C6orf58: variants seen among roughly 807,000 people sequenced by gnomAD.
C6orf58 encodes chromosome 6 open reading frame 58.
A neutral mutation model predicts 37.0 loss-of-function variants in C6orf58; 30 were observed. That is an observed-to-expected ratio of 0.81 (90% CI 0.61 to 1.10). The LOEUF (loss-of-function observed/expected upper bound fraction) is 1.10, where lower values mean the gene tolerates loss of function less well. C6orf58 is among the 50% of genes least tolerant of loss of function. The pLI is 0.00. For missense variants in C6orf58, 368 were observed against 387.5 expected (o/e 0.95, Z 0.42); for synonymous variants, 143 against 134.1 (o/e 1.07, Z -0.46).
chr6:127,586,429 G>C (rs531227545), intron 4 of C6orf58, among the ~76,000 whole-genome samples: 17 of 152,042 alleles, frequency 1.1e-4, no homozygotes, highest in Admixed American at 3.3e-4. Context: ...GAGCTGAAGA[G>C]AGCAGGCTCC....
intron 1 of C6orf58, 31 bp downstream of exon 1, chr6:127,577,517 A>T (rs1562158600): frequency 6.3e-7 from 1 of 1,591,464 alleles, no homozygotes; most frequent in African/African-American, 1.3e-5. Context: ...CATTGTAATG[A>T]TCTACCGATA....
At chr6:127,587,171 G>C (rs1775115814) in intron 4 of C6orf58, among the ~76,000 whole-genome samples, 1 of 152,028 alleles carries the variant, frequency 6.6e-6, no homozygotes, top group South Asian at 2.1e-4. Flanking sequence ...CACGTGTTCT[G>C]ATTTTATTTC....
chr6:127,577,213 G>GTAC lies in C6orf58; in HGVS notation c.31_33dup (p.Leu11dup). ...GGCTTTTCTTCCTTCCTGGGTTTGT[G>GTAC]TACTAGTTGGTTCCTTTTCTGCTTC... On this transcript the variant is annotated inframe_insertion, in exon 1 of 6. Transcript: ENST00000329722. 1 of 1,613,468 alleles carries GTAC rather than the reference G, an allele frequency of 6.2e-7. No individual in the cohort carries two copies. Among genetic ancestry groups the GTAC allele is most frequent in the Non-Finnish European group, 8.5e-7 (1 of 1,179,606 alleles).
Position 127,581,140 on chromosome 6 carries a change from A to T in C6orf58, c.574-42A>T, listed in dbSNP as rs746547479. 1.4e-5 allele frequency: 13 copies of T among 909,118 alleles called. 1 individual carries two copies. In the South Asian group the frequency reaches 2.8e-4, roughly 20 times the overall value. The allele number at this position is 909,118 out of a possible 1,614,324, so 56.3% of individuals were successfully genotyped here. A position where few individuals can be genotyped will look rare whatever the true frequency, so the allele number is the denominator to read the frequency against. ...ACTAAATTTCAGGGAGAAGGATTTT[A>T]TAGTTGCTCAAATATTAATAAATTT... On this transcript the variant is annotated intron_variant, in intron 3 of 5. Transcript: ENST00000329722.
intron 4 of C6orf58, among the ~76,000 whole-genome samples, chr6:127,587,101 C>T (rs1285917657): frequency 1.3e-5 from 2 of 152,210 alleles, no homozygotes; most frequent in East Asian, 3.9e-4. Context: ...TTTCTTGATT[C>T]TATTAAATCT....
intron 2 of C6orf58, among the ~76,000 whole-genome samples, chr6:127,579,935 A>G (rs1312218377): frequency 4.6e-5 from 7 of 152,094 alleles, no homozygotes; most frequent in Non-Finnish European, 1.0e-4. Flanking sequence ...CATTTTGTGG[A>G]AAAGTTGATA....
chr6:127,590,749 C>T (rs1775154075), intron 5 of C6orf58, among the ~76,000 whole-genome samples: 1 of 151,944 alleles, frequency 6.6e-6, no homozygotes, highest in Non-Finnish European at 1.5e-5. Flanking sequence ...ATTTGGCTTA[C>T]TTGAGTTCCC....
At chr6:127,591,347 A>G (rs945147412) in intron 5 of C6orf58, among the ~76,000 whole-genome samples, 196 bp from the exon 6 acceptor site, 1 of 152,176 alleles carries the variant, frequency 6.6e-6, no homozygotes, top group African/African-American at 2.4e-5. Context: ...TAAAGTTGGT[A>G]AGTCAGGTAT....
intron 2 of C6orf58, among the ~76,000 whole-genome samples, chr6:127,579,498 C>G (rs1237928947): frequency 2.0e-5 from 3 of 151,962 alleles, no homozygotes; most frequent in African/African-American, 7.2e-5. Flanking sequence ...GTTTGTTATT[C>G]TTAGATTGGT....
Position 127,577,547 on chromosome 6 carries a change from A to C in C6orf58, c.301+61A>C, listed in dbSNP as rs556673242. The C allele has an allele frequency of 3.4e-5, 49 of 1,453,936 alleles. No individual in the cohort carries two copies. In the African/African-American group the frequency reaches 6.2e-4, roughly 18 times the overall value. The allele number at this position is 1,453,936 out of a possible 1,614,324, so 90.1% of individuals were successfully genotyped here. ...CCGATAGACCTATGAAGTATTTGGG[A>C]AATTGGACTCTGTATATACCCTACT... is the stretch of plus-strand genomic sequence containing the variant. On this transcript the variant is annotated intron_variant, in intron 1 of 5. Coordinates refer to ENST00000329722, the MANE Select transcript of C6orf58 (RefSeq NM_001010905.3).
intron 4 of C6orf58, among the ~76,000 whole-genome samples, chr6:127,583,425 A>G (rs1255005952): frequency 6.6e-6 from 1 of 151,504 alleles, no homozygotes; most frequent in East Asian, 1.9e-4. Flanking sequence ...GGAAAAGGAG[A>G]AAAGACTTCA....
In C6orf58 at chr6:127,591,775, G is replaced by A. The variant is rs1402799396; in HGVS notation, c.*153G>A. The A allele has an allele frequency of 6.6e-6, 4 of 608,022 alleles. No homozygotes were observed. Among genetic ancestry groups the A allele is most frequent in the African/African-American group, 1.9e-5 (1 of 51,970 alleles). The allele number at this position is 608,022 out of a possible 1,614,324, so 37.7% of individuals were successfully genotyped here. On this transcript the variant is annotated 3_prime_UTR_variant, in exon 6 of 6. Coordinates refer to ENST00000329722, the MANE Select transcript of C6orf58 (RefSeq NM_001010905.3). ...ATTTATGCTTATTTGTTAAGATCTT[G>A]TACATGTATTAAAAACTTAAATTAA...
chr6:127,591,035 C>A (rs1007290501), intron 5 of C6orf58, among the ~76,000 whole-genome samples: 2 of 152,082 alleles, frequency 1.3e-5, no homozygotes, highest in African/African-American at 4.8e-5. Context: ...GTTAGAGTAA[C>A]AAAAACATCC....
chr6:127,589,961 C>A (rs537886316), intron 4 of C6orf58, 126 bp from the exon 5 acceptor site: 12 of 665,012 alleles, frequency 1.8e-5, no homozygotes, highest in South Asian at 1.5e-4. Flanking sequence ...CAATATCAAG[C>A]CTATTTTCTA....
In C6orf58 at chr6:127,577,404, G is replaced by A; in HGVS notation, c.219G>A (p.Arg73=). 1 of 1,613,610 alleles carries A rather than the reference G, an allele frequency of 6.2e-7. No homozygotes were observed. ...MYKIILNQTA[R]YFAKFAPDNE... ...AAATCATATTGAATCAGACAGCCAGGTATTTTGCAAAATTTGCACCAGATA... is the reference window on the plus strand; with the variant it reads ...AAATCATATTGAATCAGACAGCCAGATATTTTGCAAAATTTGCACCAGATA... The change falls in exon 1 of 6, where the codon AGG becomes AGA. Residue 73 remains arginine, a synonymous_variant. Transcript: ENST00000329722.
chr6:127,588,576 G>A (rs1775129285), intron 4 of C6orf58, among the ~76,000 whole-genome samples: 1 of 152,246 alleles, frequency 6.6e-6, no homozygotes, highest in African/African-American at 2.4e-5. Context: ...GCTGACTTAT[G>A]TATGCCTGTG....
Position 127,578,786 on chromosome 6 carries a change from A to C in C6orf58, c.388+14A>C, listed in dbSNP as rs1023999935. 1 of 1,590,572 alleles carries C rather than the reference A, an allele frequency of 6.3e-7. No homozygotes were observed. Among genetic ancestry groups the C allele is most frequent in the African/African-American group, 1.3e-5 (1 of 74,444 alleles). ...GTTGGTGGGCTGGTATGTTCGTTTA[A>C]GTGGCAAAATAGATATTAACCTTTC... On this transcript the variant is annotated intron_variant, in intron 2 of 5. Coordinates refer to ENST00000329722, the MANE Select transcript of C6orf58 (RefSeq NM_001010905.3).
In C6orf58 at chr6:127,590,193, A is replaced by G; in HGVS notation, c.781A>G (p.Lys261Glu). The G allele has an allele frequency of 6.2e-7, 1 of 1,613,744 alleles. No individual in the cohort carries two copies. Among genetic ancestry groups the G allele is most frequent in the South Asian group, 1.1e-5 (1 of 91,068 alleles). The part of the protein sequence containing the change: ...LFPTTLIRSY[K>E]FQKGMPPRIL... ...TCCTACAACCTTGATTAGATCATAT[A>G]AGTTCCAGAAGGGCATGCCACCACG... Residue 261 changes from lysine to glutamate, a missense_variant, in exon 5 of 6, where the codon AAG becomes GAG. Lys to Glu is a moderately conservative substitution (Grantham distance 56, BLOSUM62 1). Transcript: ENST00000329722.
chr6:127,581,169 C>T lies in C6orf58; in HGVS notation c.574-13C>T. On this transcript the variant is annotated splice_polypyrimidine_tract_variant and intron_variant, in intron 3 of 5. Coordinates refer to ENST00000329722, the MANE Select transcript of C6orf58 (RefSeq NM_001010905.3). Reference sequence around the variant, plus strand: ...TTGCTCAAATATTAATAAATTTGACCTCTTTACCTTAGTATTTGCAGTCAC... The same window carrying T: ...TTGCTCAAATATTAATAAATTTGACTTCTTTACCTTAGTATTTGCAGTCAC... The T allele has an allele frequency of 7.6e-7, 1 of 1,313,388 alleles. No homozygotes were observed. The highest frequency in any genetic ancestry group is 1.0e-6 in the Non-Finnish European group (1 of 962,164). The allele number at this position is 1,313,388 out of a possible 1,614,324, so 81.4% of individuals were successfully genotyped here.
Sources: gnomAD v4.1 joint callset for allele counts (sites outside exome capture counted in the v4.1 genomes callset) on GRCh38, gnomAD v4.1.1 for gene constraint, MANE v1.5 for transcripts, NCBI Gene and HGNC (gene_info 2026-07-23, HGNC 2026-07-21) for gene names.